The following KLHL29 variants were observed in gnomAD, a reference collection of about 807,000 sequenced individuals.
The protein encoded by KLHL29 is kelch-like protein 29.
KLHL29 carries 21 observed loss-of-function variants against 80.4 expected under a neutral mutation model. The ratio of observed to expected loss-of-function variants is 0.26; its 90% CI spans 0.19 to 0.38. KLHL29 has a LOEUF of 0.38. KLHL29 is among the 10% of genes least tolerant of loss of function. KLHL29 has a pLI of 1.00. For missense variants in KLHL29, 867 were observed against 1,223.9 expected (o/e 0.71, Z 4.35); for synonymous variants, 511 against 526.8 (o/e 0.97, Z 0.41).
At chr2:23,427,164 G>C (rs1663026979) in intron 1 of KLHL29, among the ~76,000 whole-genome samples, 1 of 152,158 alleles carries the variant, frequency 6.6e-6, no homozygotes, top group Non-Finnish European at 1.5e-5. Flanking sequence ...GAAGGTGCTG[G>C]CTAATTGCAC....
At chr2:23,529,558 C>T (rs1441636977) in intron 2 of KLHL29, among the ~76,000 whole-genome samples, 1 of 152,184 alleles carries the variant, frequency 6.6e-6, no homozygotes, top group Non-Finnish European at 1.5e-5. Context: ...TCCCTTCCCC[C>T]CACCTCAGCC....
intron 3 of KLHL29, among the ~76,000 whole-genome samples, chr2:23,606,188 G>GA (rs1668720613): frequency 2.6e-5 from 3 of 116,678 alleles, no homozygotes; most frequent in Non-Finnish European, 3.6e-5. Context: ...GAGAGAGAGA[G>GA]GGAGAGAGAG....
chr2:23,674,432 A>G (rs1475388069), intron 5 of KLHL29, among the ~76,000 whole-genome samples: 2 of 152,108 alleles, frequency 1.3e-5, no homozygotes, highest in East Asian at 3.9e-4. Context: ...TCGAACCCCT[A>G]TAGAGCTCCC....
chr2:23,665,281 T>C (rs1670522956), intron 5 of KLHL29, among the ~76,000 whole-genome samples: 1 of 152,246 alleles, frequency 6.6e-6, no homozygotes, highest in Admixed American at 6.5e-5. Context: ...GCGCAGGGCT[T>C]GGAGGGATGT....
intron 3 of KLHL29, among the ~76,000 whole-genome samples, chr2:23,595,163 AC>A (rs1275017541): frequency 3.9e-5 from 6 of 152,062 alleles, no homozygotes; most frequent in Non-Finnish European, 5.9e-5. Flanking sequence ...AGAAAGAGGC[AC>A]CCGCAGAGGG....
intron 1 of KLHL29, among the ~76,000 whole-genome samples, chr2:23,473,057 A>G (rs1664540959): frequency 6.6e-6 from 1 of 152,178 alleles, no homozygotes; most frequent in East Asian, 1.9e-4. Flanking sequence ...CATAATGGTC[A>G]GGGGAAGGAG....
At chr2:23,534,289 CATT>C (rs933794377) in intron 2 of KLHL29, among the ~76,000 whole-genome samples, 16 of 152,176 alleles carry the variant, frequency 1.1e-4, no homozygotes, top group African/African-American at 3.4e-4. Flanking sequence ...TCCTTCTCAT[CATT>C]GTTATTTTTA....
rs1413201787 is a variant in KLHL29 at position 23,457,243 on chromosome 2, A to G, written c.-153-18317A>G. ...AGTGACTGGTGTAGGATGATGTTTG[A>G]CCAATGCTGAACTCATATGGGCTCT... On this transcript the variant is annotated intron_variant, in intron 1 of 13. Transcript: ENST00000486442. This position sits in a 1 kb window ranked among gnomAD's most constrained non-coding sequence, Gnocchi z 4.3. 6.6e-6 allele frequency among the ~76,000 whole-genome samples: 1 copy of G among 152,094 alleles called. No homozygotes were observed. Among genetic ancestry groups the G allele is most frequent in the Non-Finnish European group, 1.5e-5 (1 of 68,016 alleles).
At chr2:23,451,864 C>T (rs1486666116) in intron 1 of KLHL29, among the ~76,000 whole-genome samples, 1 of 152,082 alleles carries the variant, frequency 6.6e-6, no homozygotes, top group Non-Finnish European at 1.5e-5. Flanking sequence ...GTTCATTTGG[C>T]TCATGGTTCT....
intron 3 of KLHL29, among the ~76,000 whole-genome samples, chr2:23,573,416 G>A (rs1329380065): frequency 6.6e-6 from 1 of 151,880 alleles, no homozygotes; most frequent in East Asian, 1.9e-4. Flanking sequence ...AGATGAGAAA[G>A]ACTAAGGAAC....
intron 1 of KLHL29, among the ~76,000 whole-genome samples, chr2:23,460,718 G>A (rs1004743573): frequency 6.6e-5 from 10 of 151,862 alleles, no homozygotes; most frequent in African/African-American, 1.9e-4. Context: ...GGAGCTTCCC[G>A]TGAAGGGAGC....
intron 2 of KLHL29, among the ~76,000 whole-genome samples, chr2:23,552,141 G>A (rs1482144745): frequency 1.3e-5 from 2 of 152,228 alleles, no homozygotes; most frequent in African/African-American, 4.8e-5. Flanking sequence ...GTCCTGTGTT[G>A]TTACAGGGGC....
intron 2 of KLHL29, among the ~76,000 whole-genome samples, chr2:23,488,123 G>A (rs1270292565): frequency 5.9e-5 from 9 of 152,174 alleles, no homozygotes; most frequent in African/African-American, 1.9e-4. Context: ...ATTGCCTCAC[G>A]GGAGGCACTG....
At chr2:23,613,790 A>AAAAAAAC (rs1668933636) in intron 3 of KLHL29, among the ~76,000 whole-genome samples, 8 of 146,584 alleles carry the variant, frequency 5.5e-5, no homozygotes, top group Non-Finnish European at 4.5e-5. Flanking sequence ...AAAAAAAAAA[A>AAAAAAAC]CCCACCACTC....
intron 3 of KLHL29, among the ~76,000 whole-genome samples, chr2:23,621,191 G>GCAGCAT (rs1669173345): frequency 6.6e-6 from 1 of 152,220 alleles, no homozygotes; most frequent in East Asian, 1.9e-4. Flanking sequence ...AGCAGCAGCA[G>GCAGCAT]CAGCAGCTGA....
intron 2 of KLHL29, among the ~76,000 whole-genome samples, chr2:23,523,437 C>G (rs1666170174): frequency 6.6e-6 from 1 of 152,228 alleles, no homozygotes; most frequent in Non-Finnish European, 1.5e-5. Context: ...AGTCTTATCA[C>G]TGCTGCAACA....
At chr2:23,619,206 T>TA (rs1406277251) in intron 3 of KLHL29, among the ~76,000 whole-genome samples, 1 of 152,220 alleles carries the variant, frequency 6.6e-6, no homozygotes, top group Non-Finnish European at 1.5e-5. Context: ...GAAATGCTTT[T>TA]AAGCAGCAGG....
At chr2:23,450,784 T>C (rs1663855136) in intron 1 of KLHL29, among the ~76,000 whole-genome samples, 1 of 152,222 alleles carries the variant, frequency 6.6e-6, no homozygotes, top group Admixed American at 6.5e-5. Flanking sequence ...ATTTAAGGTA[T>C]ACAATTCAGT....
chr2:23,548,289 A>G (rs1454718170), intron 2 of KLHL29, among the ~76,000 whole-genome samples: 1 of 150,982 alleles, frequency 6.6e-6, no homozygotes, highest in Middle Eastern at 3.2e-3. Flanking sequence ...GCGCACACAC[A>G]CAAACACACA....
Sources: gnomAD v4.1 joint callset for allele counts (sites outside exome capture counted in the v4.1 genomes callset) on GRCh38, gnomAD v4.1.1 for gene constraint, Gnocchi (gnomAD v3.1) non-coding constraint, MANE v1.5 for transcripts, NCBI Gene and HGNC (gene_info 2026-07-23, HGNC 2026-07-21) for gene names.